PRKAB2: variants seen among roughly 807,000 people sequenced by gnomAD.
PRKAB2 encodes protein kinase AMP-activated non-catalytic subunit beta 2, also known as 5'-AMP-activated protein kinase subunit beta-2.
Under a neutral mutation model 29.8 loss-of-function variants are expected in PRKAB2, and 18 were observed. The observed-to-expected ratio is 0.60, with a 90% CI of 0.42 to 0.89. The LOEUF (loss-of-function observed/expected upper bound fraction) is 0.89. Among genes scored for constraint, PRKAB2 ranks in the 40% least tolerant of loss-of-function variants. The probability of loss-of-function intolerance (pLI) is 0.00; values close to 1 mark genes in which losing one functional copy is unlikely to be tolerated. For missense variants in PRKAB2, 270 were observed against 344.3 expected (o/e 0.78, Z 1.71); for synonymous variants, 136 against 125.9 (o/e 1.08, Z -0.54).
At chr1:147,164,893 A>G (rs1654160175) in intron 5 of PRKAB2, among the ~76,000 whole-genome samples, 1 of 152,234 alleles carries the variant, frequency 6.6e-6, no homozygotes, top group Non-Finnish European at 1.5e-5. Context: ...TGCAAAAATT[A>G]GTCACAAGTA....
In PRKAB2 at chr1:147,167,026, G is replaced by A. The variant is rs924105738; in HGVS notation, c.324-87C>T. On this transcript the variant is annotated intron_variant, in intron 3 of 7. Coordinates refer to ENST00000254101, the MANE Select transcript of PRKAB2 (RefSeq NM_005399.5). ...ACAAGTGGCAATCATAGTATCATAT[G>A]AATAATTTCCCAGATTCCTAAGCCA... 1.5e-4 allele frequency: 162 copies of A among 1,109,978 alleles called. No homozygotes were observed. In the African/African-American group the frequency reaches 2.4e-3, roughly 16 times the overall value. 68.8% of individuals were successfully genotyped at this position (1,109,978 alleles called of 1,614,324 possible).
At chr1:147,165,772 A>G (rs1654214242) in intron 5 of PRKAB2, among the ~76,000 whole-genome samples, 1 of 151,812 alleles carries the variant, frequency 6.6e-6, no homozygotes, top group Admixed American at 6.6e-5. Context: ...TCAATTACCT[A>G]CAACAGAATT....
In PRKAB2 at chr1:147,161,694, G is replaced by C; in HGVS notation, c.741+18C>G. ...CTCATTCCAGGGAGCTCTGTGAAGA[G>C]CCAGGGCCACCACTTACCTTAATGG... On this transcript the variant is annotated intron_variant, in intron 7 of 7. Coordinates refer to ENST00000254101, the MANE Select transcript of PRKAB2 (RefSeq NM_005399.5). The C allele has an allele frequency of 6.2e-7, 1 of 1,601,690 alleles. No individual in the cohort carries two copies. Among genetic ancestry groups the C allele is most frequent in the Non-Finnish European group, 8.6e-7 (1 of 1,168,948 alleles).
Position 147,172,157 on chromosome 1 carries a change from T to A in PRKAB2, c.-13A>T. ...TGGTGTTTCCCATGGCTGCAGCTCG[T>A]CGGGGACCACCTACCGCGGGGAACG... On this transcript the variant is annotated 5_prime_UTR_variant, in exon 2 of 8. Coordinates refer to ENST00000254101, the MANE Select transcript of PRKAB2 (RefSeq NM_005399.5). 1 of 1,541,282 alleles carries A rather than the reference T, an allele frequency of 6.5e-7. No homozygotes were observed. Among genetic ancestry groups the A allele is most frequent in the South Asian group, 1.2e-5 (1 of 83,386 alleles).
At chr1:147,161,887 A>G (rs1653983549) in intron 6 of PRKAB2, 107 bp from the exon 7 acceptor site, 1 of 824,192 alleles carries the variant, frequency 1.2e-6, no homozygotes. Flanking sequence ...AATTTAAACT[A>G]GAATGCGCTA....
intron 5 of PRKAB2, among the ~76,000 whole-genome samples, chr1:147,165,971 A>C (rs1411042936): frequency 1.3e-5 from 2 of 152,124 alleles, no homozygotes; most frequent in African/African-American, 4.8e-5. Context: ...CTAATTTTTA[A>C]AAATTTTTTG....
rs768913771 is a variant in PRKAB2, at chr1:147,159,185, A to G, written c.*380T>C. The G allele has an allele frequency of 4.8e-5, 9 of 188,478 alleles. No individual in the cohort carries two copies. Among genetic ancestry groups the G allele is most frequent in the Non-Finnish European group, 1.0e-4 (9 of 89,736 alleles). The allele number at this position is 188,478 out of a possible 1,614,324, so 11.7% of individuals were successfully genotyped here. On this transcript the variant is annotated 3_prime_UTR_variant, in exon 8 of 8. Transcript: ENST00000254101. ...GGAGAGCCAAGGTAGCAGTGATAGA[A>G]TCTCCACCCAACAAGGATCCTAAGA... is the stretch of plus-strand genomic sequence containing the variant.
At position 147,158,729 on chromosome 1, in the gene PRKAB2, C is replaced by A. The variant is rs1247324762; in HGVS notation, c.*836G>T. The stretch of plus-strand genomic sequence containing the variant: ...ACTTTCGGGAATTTGCCAATACAGC[C>A]TGAGCCTTGGCACCAAACTAAAACA... On this transcript the variant is annotated 3_prime_UTR_variant, in exon 8 of 8. Transcript: ENST00000254101. 6.6e-6 allele frequency: 1 copy of A among 152,196 alleles called. No homozygotes were observed. The highest frequency in any genetic ancestry group is 1.5e-5 in the Non-Finnish European group (1 of 68,042). The allele number at this position is 152,196 out of a possible 1,614,324, so 9.4% of individuals were successfully genotyped here. A position where few individuals can be genotyped will look rare whatever the true frequency, so the allele number is the denominator to read the frequency against.
intron 5 of PRKAB2, among the ~76,000 whole-genome samples, chr1:147,164,059 T>G (rs370630805): frequency 2.0e-5 from 3 of 152,028 alleles, no homozygotes; most frequent in African/African-American, 7.2e-5. Context: ...ACCTCAGCCT[T>G]CAGAGTAGTT....
chr1:147,171,860 G>A, intron 2 of PRKAB2, 129 bp downstream of exon 2: 2 of 1,243,968 alleles, frequency 1.6e-6, no homozygotes, highest in Non-Finnish European at 2.2e-6. Flanking sequence ...CTCTGTCCCC[G>A]ATAAATCCCT....
intron 6 of PRKAB2, 51 bp downstream of exon 6, chr1:147,162,389 C>T (rs1553913178): frequency 5.8e-6 from 9 of 1,539,394 alleles, no homozygotes; most frequent in Non-Finnish European, 7.9e-6. Flanking sequence ...AACTTTGGTC[C>T]AAATGGTCCT....
intron 3 of PRKAB2, among the ~76,000 whole-genome samples, chr1:147,167,489 C>T (rs1203415316): frequency 6.6e-6 from 1 of 152,136 alleles, no homozygotes; most frequent in African/African-American, 2.4e-5. Context: ...AGACTTCCCA[C>T]AAGCATAGAC....
Position 147,172,171 on chromosome 1 carries a change from C to T in PRKAB2, c.-23-4G>A. The T allele has an allele frequency of 6.5e-7, 1 of 1,531,212 alleles. No homozygotes were observed. The highest frequency in any genetic ancestry group is 8.8e-7 in the Non-Finnish European group (1 of 1,139,128). The allele number at this position is 1,531,212 out of a possible 1,614,324, so 94.9% of individuals were successfully genotyped here. A position where few individuals can be genotyped will look rare whatever the true frequency, so the allele number is the denominator to read the frequency against. ...GCTGCAGCTCGTCGGGGACCACCTA[C>T]CGCGGGGAACGACACCGGGCTGGGA... On this transcript the variant is annotated splice_polypyrimidine_tract_variant and splice_region_variant and intron_variant, in intron 1 of 7. Transcript: ENST00000254101.
chr1:147,172,277 G>A, intron 1 of PRKAB2, 110 bp from the exon 2 acceptor site: 1 of 1,272,494 alleles, frequency 7.9e-7, no homozygotes, highest in South Asian at 1.6e-5. Context: ...CCCGCCCCAG[G>A]GAAGCCGAGC....
chr1:147,172,280 A>C, intron 1 of PRKAB2, 113 bp from the exon 2 acceptor site: 1 of 1,242,032 alleles, frequency 8.1e-7, no homozygotes, highest in Non-Finnish European at 1.1e-6. Flanking sequence ...GCCCCAGGGA[A>C]GCCGAGCCCT....
rs1168454811 is a variant in PRKAB2, at chr1:147,158,932, C to T, written c.*633G>A. On this transcript the variant is annotated 3_prime_UTR_variant, in exon 8 of 8. Transcript: ENST00000254101. Reference sequence around the variant, plus strand: ...ACAAAACTTTTCAAAGTCACTTACCCAATAAGTTTTGTGTTAGAGAGGGGT... The same window carrying T: ...ACAAAACTTTTCAAAGTCACTTACCTAATAAGTTTTGTGTTAGAGAGGGGT... 1 of 152,134 alleles carries T rather than the reference C, an allele frequency of 6.6e-6. No homozygotes were observed. The highest frequency in any genetic ancestry group is 2.4e-5 in the African/African-American group (1 of 41,414). The allele number at this position is 152,134 out of a possible 1,614,324, so 9.4% of individuals were successfully genotyped here. A position where few individuals can be genotyped will look rare whatever the true frequency, so the allele number is the denominator to read the frequency against.
chr1:147,169,040 A>G (rs1654388685), intron 2 of PRKAB2, among the ~76,000 whole-genome samples: 1 of 152,236 alleles, frequency 6.6e-6, no homozygotes, highest in African/African-American at 2.4e-5. Context: ...CAGAGACTGT[A>G]TGGTCTACAA....
Position 147,157,964 on chromosome 1 carries a change from G to A in PRKAB2, c.*1601C>T, listed in dbSNP as rs1419914659. ...GGTCTACAAGTCCAAAGACAACTGTGTTATCAGCTTTGCATGGGAAAGACA... is the reference window on the plus strand; with the variant it reads ...GGTCTACAAGTCCAAAGACAACTGTATTATCAGCTTTGCATGGGAAAGACA... On this transcript the variant is annotated 3_prime_UTR_variant, in exon 8 of 8. Coordinates refer to ENST00000254101, the MANE Select transcript of PRKAB2 (RefSeq NM_005399.5). 6.6e-6 allele frequency: 1 copy of A among 152,158 alleles called. No individual in the cohort carries two copies. Among genetic ancestry groups the A allele is most frequent in the Non-Finnish European group, 1.5e-5 (1 of 68,034 alleles). 9.4% of individuals were successfully genotyped at this position (152,158 alleles called of 1,614,324 possible).
intron 7 of PRKAB2, 99 bp downstream of exon 7, chr1:147,161,613 G>T: frequency 2.0e-6 from 2 of 1,023,424 alleles, no homozygotes; most frequent in Non-Finnish European, 3.0e-6. Flanking sequence ...GCCAGCTTCA[G>T]CTTCAATGAA....
Sources: gnomAD v4.1 joint callset for allele counts (sites outside exome capture counted in the v4.1 genomes callset) on GRCh38, gnomAD v4.1.1 for gene constraint, MANE v1.5 for transcripts, NCBI Gene and HGNC (gene_info 2026-07-23, HGNC 2026-07-21) for gene names.